The following WNT3A variants were observed in gnomAD, a reference collection of about 807,000 sequenced individuals.
WNT3A encodes the protein protein Wnt-3a.
In WNT3A, 17 loss-of-function variants were observed where a neutral mutation model predicts 37.0. That is an observed-to-expected ratio of 0.46 (90% CI 0.31 to 0.69). WNT3A has a LOEUF of 0.69. Among genes scored for constraint, WNT3A ranks in the 30% least tolerant of loss-of-function variants. WNT3A has a pLI of 0.05. For missense variants in WNT3A, 411 were observed against 510.2 expected (o/e 0.81, Z 1.87); for synonymous variants, 187 against 211.0 (o/e 0.89, Z 0.99).
intron 2 of WNT3A, among the ~76,000 whole-genome samples, chr1:228,044,495 A>C (rs1381384758): frequency 1.3e-5 from 2 of 152,112 alleles, no homozygotes; most frequent in East Asian, 3.9e-4. Context: ...TGAGGAGCAC[A>C]ATTAGGCATT....
At position 228,050,384 on chromosome 1, in the gene WNT3A, T is replaced by C. The variant is rs1317527123; in HGVS notation, c.314-272T>C. Among the ~76,000 whole-genome samples the C allele has an allele frequency of 6.6e-6, 1 of 152,204 alleles. No individual in the cohort carries two copies. The highest frequency in any genetic ancestry group is 1.9e-4 in the East Asian group (1 of 5,204). On this transcript the variant is annotated intron_variant, in intron 2 of 3. Coordinates refer to ENST00000284523, the MANE Select transcript of WNT3A (RefSeq NM_033131.4). This position sits in a 1 kb window ranked among gnomAD's most constrained non-coding sequence, Gnocchi z 5.0. Reference sequence around the variant, plus strand: ...CTCCCCTCTCTCACTTCTGTCACCATGTAATTTCTTGCACACACTGGTTCC... The same window carrying C: ...CTCCCCTCTCTCACTTCTGTCACCACGTAATTTCTTGCACACACTGGTTCC...
chr1:228,043,282 G>C (rs977284430), intron 2 of WNT3A, among the ~76,000 whole-genome samples: 42 of 152,274 alleles, frequency 2.8e-4, no homozygotes, highest in African/African-American at 9.9e-4. Context: ...TGCTGTGTTA[G>C]AATAAAAGTC....
chr1:228,017,763 C>T (rs1174146611), intron 1 of WNT3A, among the ~76,000 whole-genome samples: 1 of 152,198 alleles, frequency 6.6e-6, no homozygotes, highest in African/African-American at 2.4e-5. Flanking sequence ...CTGGCGGAGA[C>T]AGCGGTGGCT....
intron 2 of WNT3A, among the ~76,000 whole-genome samples, chr1:228,032,906 T>C (rs2031045506): frequency 6.6e-6 from 1 of 152,252 alleles, no homozygotes; most frequent in Admixed American, 6.5e-5. Context: ...GAGGTTTTCA[T>C]TTGCATTTCC....
chr1:228,024,536 T>G (rs1187402595), intron 2 of WNT3A, among the ~76,000 whole-genome samples: 1 of 152,242 alleles, frequency 6.6e-6, no homozygotes, highest in Non-Finnish European at 1.5e-5. Flanking sequence ...TGTTGAGTTG[T>G]GAGTGTTCTT....
chr1:228,026,918 C>T (rs1046770755), intron 2 of WNT3A, among the ~76,000 whole-genome samples: 2 of 152,250 alleles, frequency 1.3e-5, no homozygotes, highest in African/African-American at 4.8e-5. Context: ...TCTCGGCTCA[C>T]TGCAGCCTCC....
intron 1 of WNT3A, among the ~76,000 whole-genome samples, chr1:228,020,369 T>C (rs1046249527): frequency 2.6e-5 from 4 of 152,210 alleles, no homozygotes; most frequent in African/African-American, 9.6e-5. Context: ...GTCCAGCCCC[T>C]ACGGTCACCT....
At chr1:228,019,331 C>T (rs2030621896) in intron 1 of WNT3A, among the ~76,000 whole-genome samples, 2 of 152,202 alleles carry the variant, frequency 1.3e-5, no homozygotes, top group African/African-American at 2.4e-5. Context: ...CATCTAGCCT[C>T]GGAGAAGGGA....
chr1:228,057,006 GA>G (rs888772289), intron 3 of WNT3A, among the ~76,000 whole-genome samples: 15 of 151,224 alleles, frequency 9.9e-5, no homozygotes, highest in East Asian at 1.9e-4. Context: ...CCTTTTCTGG[GA>G]AAAAAAAATC....
At chr1:228,028,502 T>C (rs2030909522) in intron 2 of WNT3A, among the ~76,000 whole-genome samples, 1 of 152,104 alleles carries the variant, frequency 6.6e-6, no homozygotes, top group South Asian at 2.1e-4. Context: ...TTTTGTATTT[T>C]TAATAGAGAC....
In WNT3A at chr1:228,011,114, G is replaced by A. The variant is rs2030356250; in HGVS notation, c.71+3915G>A. Reference sequence around the variant, plus strand: ...ACAGCCTGACTGGAAGAGGGGTCGGGTGAAGAGGCAGCTTAGAGAGGCAGG... The same window carrying A: ...ACAGCCTGACTGGAAGAGGGGTCGGATGAAGAGGCAGCTTAGAGAGGCAGG... On this transcript the variant is annotated intron_variant, in intron 1 of 3. Transcript: ENST00000284523. Among the ~76,000 whole-genome samples the A allele has an allele frequency of 2.0e-5, 3 of 152,342 alleles. No individual in the cohort carries two copies. The South Asian group carries it at 6.2e-4, about 32-fold the overall frequency.
chr1:228,049,753 T>C (rs867178032), intron 2 of WNT3A, among the ~76,000 whole-genome samples: 4 of 152,222 alleles, frequency 2.6e-5, no homozygotes, highest in Non-Finnish European at 5.9e-5. Context: ...GGATGGGTGA[T>C]GTCGACCATC....
chr1:228,061,203 A>C lies in WNT3A; in HGVS notation c.*1738A>C, dbSNP rs531344906. The C allele has an allele frequency of 6.5e-6, 1 of 152,788 alleles. No individual in the cohort carries two copies. The highest frequency in any genetic ancestry group is 1.9e-4 in the East Asian group (1 of 5,182). The allele number at this position is 152,788 out of a possible 1,614,324, so 9.5% of individuals were successfully genotyped here. On this transcript the variant is annotated 3_prime_UTR_variant, in exon 4 of 4. Transcript: ENST00000284523. The stretch of plus-strand genomic sequence containing the variant: ...GGCACACCGCCATCCTCTGCCTCAA[A>C]TTCTGCGTTTTTGGTTTTAATGTTA...
In WNT3A at chr1:228,031,180, G is replaced by C. The variant is rs568400452; in HGVS notation, c.313+8272G>C. ...GACCCGAGGGTCAGGCTCAGAGTCCGGGCACTGGTCACTGTGGGTCTGGGA... is the reference window on the plus strand; with the variant it reads ...GACCCGAGGGTCAGGCTCAGAGTCCCGGCACTGGTCACTGTGGGTCTGGGA... On this transcript the variant is annotated intron_variant, in intron 2 of 3. Transcript: ENST00000284523. This position sits in a 1 kb window ranked among gnomAD's most constrained non-coding sequence, Gnocchi z 4.8. Among the ~76,000 whole-genome samples the C allele has an allele frequency of 1.4e-4, 22 of 152,342 alleles. No individual in the cohort carries two copies. The highest frequency in any genetic ancestry group is 6.8e-3 in the Middle Eastern group (2 of 294).
In WNT3A at chr1:228,039,106, C is replaced by A. The variant is rs147393995; in HGVS notation, c.314-11550C>A. Among the ~76,000 whole-genome samples, 1 of 152,178 alleles carries A rather than the reference C, an allele frequency of 6.6e-6. No homozygotes were observed. Among genetic ancestry groups the A allele is most frequent in the Admixed American group, 6.5e-5 (1 of 15,278 alleles). On this transcript the variant is annotated intron_variant, in intron 2 of 3. Coordinates refer to ENST00000284523, the MANE Select transcript of WNT3A (RefSeq NM_033131.4). The surrounding 1 kb of genome is among the most constrained non-coding windows in gnomAD (Gnocchi z 4.1). ...CCAGAGCTGGGGGTGTCCAGCCAGA[C>A]AGTCAGCATTGCCAGGGGAAAGAGA...
intron 2 of WNT3A, among the ~76,000 whole-genome samples, chr1:228,028,847 T>C (rs1324881740): frequency 2.0e-5 from 3 of 152,178 alleles, no homozygotes; most frequent in Non-Finnish European, 4.4e-5. Flanking sequence ...ATGCCCTTTA[T>C]CCAGTTGCCC....
intron 2 of WNT3A, among the ~76,000 whole-genome samples, chr1:228,048,402 G>A (rs538051681): frequency 1.6e-4 from 24 of 152,330 alleles, no homozygotes; most frequent in Admixed American, 5.9e-4. Context: ...AAGCCCAGGT[G>A]TCTTCTTGCT....
At chr1:228,057,991 C>G (rs1399518859) in intron 3 of WNT3A, among the ~76,000 whole-genome samples, 3 of 152,166 alleles carry the variant, frequency 2.0e-5, no homozygotes, top group Non-Finnish European at 2.9e-5. Flanking sequence ...TTCCCGCCAC[C>G]ACGCCTAATT....
chr1:228,016,676 A>T (rs981377268), intron 1 of WNT3A, among the ~76,000 whole-genome samples: 1 of 152,170 alleles, frequency 6.6e-6, no homozygotes, highest in Non-Finnish European at 1.5e-5. Context: ...GGAATGCCTG[A>T]GACTGGAAAG....
Sources: gnomAD v4.1 joint callset for allele counts (sites outside exome capture counted in the v4.1 genomes callset) on GRCh38, gnomAD v4.1.1 for gene constraint, Gnocchi (gnomAD v3.1) non-coding constraint, MANE v1.5 for transcripts, NCBI Gene and HGNC (gene_info 2026-07-23, HGNC 2026-07-21) for gene names.